The following NRG3 variants were observed in gnomAD, a reference collection of about 807,000 sequenced individuals.
The protein encoded by NRG3 is pro-neuregulin-3, membrane-bound isoform.
In NRG3, 31 loss-of-function variants were observed where a neutral mutation model predicts 66.9. The observed-to-expected ratio is 0.46, with a 90% CI of 0.35 to 0.63. NRG3 has a LOEUF of 0.63. Among genes scored for constraint, NRG3 ranks in the 20% least tolerant of loss-of-function variants. The pLI is 0.00. For synonymous variants in NRG3, 393 were observed against 359.4 expected (o/e 1.09, Z -1.06); for missense variants, 910 against 878.9 (o/e 1.04, Z -0.45).
intron 3 of NRG3, among the ~76,000 whole-genome samples, chr10:82,786,295 G>A (rs1322982893): frequency 1.3e-5 from 2 of 152,178 alleles, no homozygotes; most frequent in Admixed American, 6.5e-5. Context: ...GGCTTCATGA[G>A]GATGTGGGGT....
chr10:82,825,383 A>G (rs1346729729), intron 3 of NRG3, among the ~76,000 whole-genome samples: 2 of 152,162 alleles, frequency 1.3e-5, no homozygotes, highest in Non-Finnish European at 2.9e-5. Flanking sequence ...CTTTACAGGT[A>G]TTGCTCCCAA....
chr10:82,294,434 A>AGTGTGTGTGTGT (rs35072007), intron 1 of NRG3, among the ~76,000 whole-genome samples: 18 of 149,176 alleles, frequency 1.2e-4, no homozygotes, highest in African/African-American at 4.2e-4. Context: ...CTACTGATGA[A>AGTGTGTGTGTGT]GTGTGTGTGT....
At chr10:82,337,893 A>G (rs1387894012) in intron 1 of NRG3, among the ~76,000 whole-genome samples, 1 of 152,220 alleles carries the variant, frequency 6.6e-6, no homozygotes, top group Non-Finnish European at 1.5e-5. Context: ...AATAAGTAAT[A>G]TTTTAATCAT....
chr10:82,837,859 A>G (rs924531007), intron 3 of NRG3, among the ~76,000 whole-genome samples: 11 of 152,178 alleles, frequency 7.2e-5, no homozygotes, highest in Non-Finnish European at 1.3e-4. Context: ...GTGTCAAAGA[A>G]AACACAGCTC....
At chr10:82,855,240 A>G (rs1358789994) in intron 3 of NRG3, among the ~76,000 whole-genome samples, 1 of 152,200 alleles carries the variant, frequency 6.6e-6, no homozygotes, top group Non-Finnish European at 1.5e-5. Context: ...ACAATTTATG[A>G]ACCAAGGCTT....
At chr10:82,254,133 G>T (rs2077606017) in intron 1 of NRG3, among the ~76,000 whole-genome samples, 1 of 152,072 alleles carries the variant, frequency 6.6e-6, no homozygotes, top group Non-Finnish European at 1.5e-5. Flanking sequence ...ACCATTTTTA[G>T]AATATTTACA....
chr10:81,933,014 C>A (rs1847522983), intron 1 of NRG3, among the ~76,000 whole-genome samples: 1 of 147,622 alleles, frequency 6.8e-6, no homozygotes, highest in African/African-American at 2.5e-5. Context: ...GAGGCTGAGG[C>A]AGAGAATTGC....
rs116059011 is a variant in NRG3, at chr10:81,952,811, A to G, written c.823+76648A>G. On this transcript the variant is annotated intron_variant, in intron 1 of 8. Transcript: ENST00000372141. Reference sequence around the variant, plus strand: ...ATTTTTGTAGAGAAGAGATCTTGCTATGTTGCCCAGGGTGGTCTAAAACTC... The same window carrying G: ...ATTTTTGTAGAGAAGAGATCTTGCTGTGTTGCCCAGGGTGGTCTAAAACTC... Among the ~76,000 whole-genome samples the G allele has an allele frequency of 5.8e-3, 887 of 151,970 alleles. 7 individuals carry two copies. Among genetic ancestry groups the G allele is most frequent in the African/African-American group, 0.02 (817 of 41,450 alleles).
chr10:82,536,277 C>T (rs895792305), intron 2 of NRG3, among the ~76,000 whole-genome samples: 1 of 152,072 alleles, frequency 6.6e-6, no homozygotes, highest in African/African-American at 2.4e-5. Flanking sequence ...TTGGCTACCT[C>T]AGGATAGACA....
At chr10:82,603,976 C>T (rs192188971) in intron 2 of NRG3, among the ~76,000 whole-genome samples, 11 of 152,192 alleles carry the variant, frequency 7.2e-5, no homozygotes, top group Admixed American at 5.9e-4. Context: ...AACTGCCTAT[C>T]GGTTTTCCCT....
intron 2 of NRG3, among the ~76,000 whole-genome samples, chr10:82,425,574 G>T (rs1299689474): frequency 6.6e-6 from 1 of 151,958 alleles, no homozygotes; most frequent in Non-Finnish European, 1.5e-5. Flanking sequence ...TTTAACGCAT[G>T]CTTTGTCTCT....
intron 2 of NRG3, among the ~76,000 whole-genome samples, chr10:82,669,798 G>A (rs1233123271): frequency 6.6e-6 from 1 of 151,898 alleles, no homozygotes; most frequent in Non-Finnish European, 1.5e-5. Context: ...CGTGGTGGTG[G>A]GCGCCTGTAG....
intron 2 of NRG3, among the ~76,000 whole-genome samples, chr10:82,546,915 C>T (rs375075570): frequency 1.3e-5 from 2 of 151,870 alleles, no homozygotes; most frequent in South Asian, 2.1e-4. Flanking sequence ...CCATCAATTA[C>T]TGTATTTGAA....
intron 1 of NRG3, among the ~76,000 whole-genome samples, chr10:81,957,106 C>T (rs7086271): frequency 0.015 from 2,229 of 152,118 alleles, 63 homozygotes; most frequent in African/African-American, 0.051. Context: ...AGTGTGCTGC[C>T]CTCACTCTCT....
chr10:82,154,419 C>G (rs2071029241), intron 1 of NRG3, among the ~76,000 whole-genome samples: 1 of 151,902 alleles, frequency 6.6e-6, no homozygotes, highest in Non-Finnish European at 1.5e-5. Flanking sequence ...CTGTTCTGTT[C>G]CATTGGATTA....
intron 4 of NRG3, among the ~76,000 whole-genome samples, chr10:82,938,005 T>C (rs1320138417): frequency 2.0e-5 from 3 of 152,158 alleles, no homozygotes; most frequent in Non-Finnish European, 4.4e-5. Flanking sequence ...ATATAAAATA[T>C]TTCATTAATA....
chr10:82,326,433 T>C (rs897427981), intron 1 of NRG3, among the ~76,000 whole-genome samples: 3 of 152,052 alleles, frequency 2.0e-5, no homozygotes, highest in Non-Finnish European at 2.9e-5. Flanking sequence ...TTCTCAACTC[T>C]ATGGGTTTAT....
At chr10:82,947,627 G>A (rs968719841) in intron 4 of NRG3, among the ~76,000 whole-genome samples, 5 of 151,972 alleles carry the variant, frequency 3.3e-5, no homozygotes, top group Admixed American at 1.3e-4. Flanking sequence ...CTATTCTAGC[G>A]GGGGTGCCAT....
chr10:82,739,502 G>A (rs1035656988), intron 3 of NRG3, among the ~76,000 whole-genome samples: 2 of 152,138 alleles, frequency 1.3e-5, no homozygotes, highest in East Asian at 1.9e-4. Context: ...TAAATATTTT[G>A]TACTGACTAA....
Sources: gnomAD v4.1 joint callset for allele counts (sites outside exome capture counted in the v4.1 genomes callset) on GRCh38, gnomAD v4.1.1 for gene constraint, MANE v1.5 for transcripts, NCBI Gene and HGNC (gene_info 2026-07-23, HGNC 2026-07-21) for gene names.